Variants in AKAP13 observed in about 807,000 individuals in gnomAD.
The protein encoded by AKAP13 is A-kinase anchoring protein 13.
AKAP13 carries 80 observed loss-of-function variants against 264.5 expected under a neutral mutation model. That is an observed-to-expected ratio of 0.30 (90% confidence interval 0.25 to 0.36). AKAP13 has a LOEUF of 0.36. AKAP13 is among the 10% of genes least tolerant of loss of function. The pLI is 1.00. For missense variants in AKAP13, 3,712 were observed against 3,435.2 expected, an observed-to-expected ratio of 1.08 and a Z score of -2.01; for synonymous variants, 1,380 against 1,250.2, an observed-to-expected ratio of 1.10 and a Z score of -2.19.
rs149977822 is a variant in AKAP13 at position 85,526,442 on chromosome 15, C to CGTGTGT, written c.181+4876_181+4881dup. 2.6e-5 allele frequency among the ~76,000 whole-genome samples: 4 copies of CGTGTGT among 151,162 alleles called. No individual in the cohort carries two copies. The East Asian group carries it at 5.8e-4, about 22-fold the overall frequency. On this transcript the variant is annotated intron_variant, in intron 3 of 36. Transcript: ENST00000394518. Reference sequence around the variant, plus strand: ...GTGTGTCCATCATAAGTGGCTGGCACGTGTGTGTGTGTGTAGATGGTGTCT... The same window carrying CGTGTGT: ...GTGTGTCCATCATAAGTGGCTGGCACGTGTGTGTGTGTGTGTGTGTAGATGGTGTCT...
At chr15:85,717,512 C>A in intron 21 of AKAP13, 110 bp downstream of exon 21, 4 of 746,538 alleles carry the variant, frequency 5.4e-6, no homozygotes, top group Non-Finnish European at 8.9e-6. Flanking sequence ...TTCTGTATCC[C>A]GTGAAGATTC....
intron 1 of AKAP13, among the ~76,000 whole-genome samples, chr15:85,438,056 A>G (rs1009384415): frequency 1.4e-5 from 2 of 146,598 alleles, no homozygotes; most frequent in African/African-American, 2.6e-5. Flanking sequence ...ATGATTGTAT[A>G]TCTAGAAAAC....
In AKAP13 at chr15:85,740,087, T is replaced by C. The variant is rs1030026013; in HGVS notation, c.7558-135T>C. On this transcript the variant is annotated intron_variant, in intron 33 of 36. Coordinates refer to ENST00000394518, the MANE Select transcript of AKAP13 (RefSeq NM_007200.5). ...ACTTAGTTTCTTTGGTGCTTTCAAT[T>C]TGAAAATATTTCATAAAGATATAAG... 15 of 942,162 alleles carry C rather than the reference T, an allele frequency of 1.6e-5. No individual in the cohort carries two copies. In the African/African-American group the frequency reaches 2.5e-4, roughly 16 times the overall value. The allele number at this position is 942,162 out of a possible 1,614,324, so 58.4% of individuals were successfully genotyped here. A position where few individuals can be genotyped will look rare whatever the true frequency, so the allele number is the denominator to read the frequency against.
At chr15:85,555,417 T>C (rs1310668127) in intron 5 of AKAP13, 23 of 1,288,674 alleles carry the variant, frequency 1.8e-5, no homozygotes, top group Non-Finnish European at 2.3e-5. Context: ...TTTCCTCTAT[T>C]TTTAAAGCTG....
At chr15:85,450,907 CTTTG>C (rs1272730218) in intron 1 of AKAP13, among the ~76,000 whole-genome samples, 7 of 152,302 alleles carry the variant, frequency 4.6e-5, no homozygotes, top group Admixed American at 3.9e-4. Flanking sequence ...TCCTGAATAT[CTTTG>C]TTTATTTTCT....
intron 1 of AKAP13, among the ~76,000 whole-genome samples, chr15:85,410,345 C>G (rs771317382): frequency 6.6e-5 from 10 of 151,610 alleles, no homozygotes; most frequent in Non-Finnish European, 1.3e-4. Context: ...TGTCGACTTT[C>G]ACCTGGGTCA....
At chr15:85,640,619 C>A (rs2082264589) in intron 9 of AKAP13, among the ~76,000 whole-genome samples, 1 of 151,990 alleles carries the variant, frequency 6.6e-6, no homozygotes. Context: ...CAAGATTGGC[C>A]CTGTTCACAG....
At chr15:85,662,709 C>G (rs755777415) in intron 12 of AKAP13, among the ~76,000 whole-genome samples, 1 of 152,216 alleles carries the variant, frequency 6.6e-6, no homozygotes, top group East Asian at 1.9e-4. Context: ...ATTTATCTCT[C>G]TCTGTTTTGG....
At chr15:85,549,726 C>T (rs117196098) in intron 5 of AKAP13, among the ~76,000 whole-genome samples, 3,224 of 152,154 alleles carry the variant, frequency 0.021, 50 homozygotes, top group Middle Eastern at 0.037. Context: ...AGACTCAGGA[C>T]GAGGCTACTA....
chr15:85,395,495 A>G (rs1229421613), intron 1 of AKAP13, among the ~76,000 whole-genome samples: 1 of 152,218 alleles, frequency 6.6e-6, no homozygotes, highest in Non-Finnish European at 1.5e-5. Context: ...CCGGACATTG[A>G]GTAATACTAT....
chr15:85,499,743 G>A (rs1318561448), intron 2 of AKAP13, among the ~76,000 whole-genome samples: 1 of 151,774 alleles, frequency 6.6e-6, no homozygotes, highest in Non-Finnish European at 1.5e-5. Context: ...AGCCCCTCCT[G>A]AGCTTTCATC....
At chr15:85,675,118 T>C (rs1298005404) in intron 14 of AKAP13, among the ~76,000 whole-genome samples, 1 of 152,190 alleles carries the variant, frequency 6.6e-6, no homozygotes, top group Non-Finnish European at 1.5e-5. Context: ...AGGGATACTC[T>C]AGACACTCAT....
intron 1 of AKAP13, among the ~76,000 whole-genome samples, chr15:85,390,948 C>T (rs1271971164): frequency 6.6e-6 from 1 of 152,068 alleles, no homozygotes; most frequent in Non-Finnish European, 1.5e-5. Flanking sequence ...TATCAGTAAG[C>T]ATTTGGATAT....
chr15:85,513,185 G>A (rs891853635), intron 2 of AKAP13, among the ~76,000 whole-genome samples: 15 of 152,020 alleles, frequency 9.9e-5, no homozygotes, highest in African/African-American at 1.7e-4. Flanking sequence ...CTAGGTCCTC[G>A]GGTAAAAGGC....
rs770686231 is a variant in AKAP13 at position 85,521,518 on chromosome 15, C to T, written c.124C>T (p.Arg42Cys). ...FYLVFLGSTL[R>C]HCTSTRKVSS... ...CTTGGTATTTTTGGGTTCCACCCTC[C>T]GTCACTGTACAAGTACTCGGAAGGT... The change falls in exon 3 of 37, where the codon CGT becomes TGT. Residue 42 changes from arginine to cysteine, a missense_variant. Physicochemically the swap from Arg to Cys is radical, Grantham distance 180 (BLOSUM62 -3). Around this residue, in one of 3 missense-constraint regions of AKAP13, gnomAD observed 2,759 missense variants for 2,411.7 expected, o/e 1.14. Coordinates refer to ENST00000394518, the MANE Select transcript of AKAP13 (RefSeq NM_007200.5). The T allele has an allele frequency of 7.7e-5, 124 of 1,614,104 alleles. No homozygotes were observed. In the South Asian group the frequency reaches 9.1e-4, roughly 12 times the overall value.
chr15:85,660,946 C>G (rs1331296892), intron 12 of AKAP13, among the ~76,000 whole-genome samples: 3 of 152,172 alleles, frequency 2.0e-5, no homozygotes, highest in Non-Finnish European at 2.9e-5. Flanking sequence ...CACTTGACAA[C>G]AAAACAAAGT....
At chr15:85,694,202 G>A (rs4843093) in intron 17 of AKAP13, among the ~76,000 whole-genome samples, 27,888 of 152,158 alleles carry the variant, frequency 0.18, 3,399 homozygotes, top group Middle Eastern at 0.4. Flanking sequence ...CCATAGTGAC[G>A]GCCAAGGGAG....
Position 85,580,338 on chromosome 15 carries a change from A to G in AKAP13, c.2270A>G (p.Glu757Gly), listed in dbSNP as rs143201252. 1,617 of 1,614,140 alleles carry G rather than the reference A, an allele frequency of 1.0e-3. 2 individuals carry two copies. The highest frequency in any genetic ancestry group is 1.3e-3 in the Non-Finnish European group (1,486 of 1,180,056). Reference protein sequence around the residue: ...KLDKPLTNMLEVVSHPHPVVP... With the variant: ...KLDKPLTNMLGVVSHPHPVVP... Reference sequence around the variant, plus strand: ...GATAAACCTTTAACAAATATGCTTGAGGTGGTTTCACATCCACATCCAGTT... The same window carrying G: ...GATAAACCTTTAACAAATATGCTTGGGGTGGTTTCACATCCACATCCAGTT... Residue 757 changes from glutamate to glycine, a missense_variant, in exon 7 of 37, where the codon GAG (glutamate) becomes GGG (glycine). Physicochemically the swap from Glu to Gly is moderately conservative, Grantham distance 98 (BLOSUM62 -2). This residue lies in a region of AKAP13 where 2,759 missense variants were observed against 2,411.7 expected (regional missense o/e 1.14). Transcript: ENST00000394518.
rs1224436332 is a variant in AKAP13 at position 85,562,882 on chromosome 15, TTTTGTA to T, written c.663-12245_663-12240del. On this transcript the variant is annotated intron_variant, in intron 5 of 36. Coordinates refer to ENST00000394518, the MANE Select transcript of AKAP13 (RefSeq NM_007200.5). ...AGCAGGTTTTTTTTGTTTTTTTTTT[TTTTGTA>T]TTTTTAGTAGAGATAGGGTTTCACC... Among the ~76,000 whole-genome samples, 851 of 148,904 alleles carry T rather than the reference TTTTGTA, an allele frequency of 5.7e-3. 9 individuals are homozygous for T. Among genetic ancestry groups the T allele is most frequent in the African/African-American group, 0.02 (794 of 40,680 alleles).
Sources: allele counts gnomAD v4.1 joint callset (sites outside exome capture counted in the v4.1 genomes callset), GRCh38; gene constraint gnomAD v4.1.1; regional missense constraint gnomAD v4.1.1; transcripts MANE v1.5; gene names NCBI Gene and HGNC (gene_info 2026-07-23, HGNC 2026-07-21).